FLT1: variants seen among roughly 807,000 people sequenced by gnomAD.
The protein encoded by FLT1 is vascular endothelial growth factor receptor 1.
In FLT1, 49 loss-of-function variants were observed where a neutral mutation model predicts 156.3. The ratio of observed to expected loss-of-function variants is 0.31; its 90% CI spans 0.25 to 0.40. The LOEUF (loss-of-function observed/expected upper bound fraction) is 0.40, where lower values mean the gene tolerates loss of function less well. Among genes scored for constraint, FLT1 ranks in the 10% least tolerant of loss-of-function variants. The pLI is 1.00. For synonymous variants in FLT1, 594 were observed against 583.8 expected (o/e 1.02, Z -0.25); for missense variants, 1,322 against 1,637.2 (o/e 0.81, Z 3.32).
intron 14 of FLT1, among the ~76,000 whole-genome samples, chr13:28,383,295 C>T (rs1874156871): frequency 6.6e-6 from 1 of 151,906 alleles, no homozygotes; most frequent in African/African-American, 2.4e-5. Flanking sequence ...GTTCCAAAAA[C>T]CAAAGAACTT....
chr13:28,481,622 T>G (rs1224920470), intron 1 of FLT1, among the ~76,000 whole-genome samples: 1 of 152,236 alleles, frequency 6.6e-6, no homozygotes, highest in East Asian at 1.9e-4. Context: ...GGCACTGTAC[T>G]GGATTCACAA....
chr13:28,468,680 A>G (rs1045886700), intron 1 of FLT1, among the ~76,000 whole-genome samples: 1 of 152,074 alleles, frequency 6.6e-6, no homozygotes, highest in Non-Finnish European at 1.5e-5. Flanking sequence ...ATTATCTGAA[A>G]GTGTGTGGCA....
intron 3 of FLT1, among the ~76,000 whole-genome samples, chr13:28,465,650 C>T (rs112489923): frequency 0.03 from 4,493 of 152,244 alleles, 211 homozygotes; most frequent in African/African-American, 0.1. Flanking sequence ...CGAGACCAGC[C>T]TGACCAACAT....
chr13:28,388,605 TG>T, intron 13 of FLT1: 1 of 1,055,822 alleles, frequency 9.5e-7, no homozygotes, highest in Non-Finnish European at 1.1e-6. Context: ...GATTTAAAAC[TG>T]GTGTGTATTT....
At chr13:28,426,727 T>C (rs751331829) in intron 10 of FLT1, among the ~76,000 whole-genome samples, 29 of 152,042 alleles carry the variant, frequency 1.9e-4, no homozygotes, top group Non-Finnish European at 1.0e-4. Flanking sequence ...AGCCCAAAAG[T>C]AGGAAACATA....
chr13:28,460,785 C>T (rs971580342), intron 3 of FLT1, among the ~76,000 whole-genome samples: 8 of 141,686 alleles, frequency 5.6e-5, no homozygotes, highest in South Asian at 2.2e-4. Flanking sequence ...ATACATTTTA[C>T]GTCAGACCCA....
chr13:28,346,164 G>T (rs1488600546), intron 15 of FLT1: 1 of 152,986 alleles, frequency 6.5e-6, no homozygotes, highest in Non-Finnish European at 1.5e-5. Flanking sequence ...CAGCCAGATT[G>T]GGGGGCCTGA....
In FLT1 at chr13:28,439,511, C is replaced by G. The variant is rs563590440; in HGVS notation, c.389-1166G>C. Among the ~76,000 whole-genome samples, 194 of 152,340 alleles carry G rather than the reference C, an allele frequency of 1.3e-3. No homozygotes were observed. The highest frequency in any genetic ancestry group is 4.6e-3 in the African/African-American group (191 of 41,574). ...GGCTACAGTGATCATTATGGTAGAACTGTGTCCCCACCAAAACGATATGCT... is the reference window on the plus strand; with the variant it reads ...GGCTACAGTGATCATTATGGTAGAAGTGTGTCCCCACCAAAACGATATGCT... On this transcript the variant is annotated intron_variant, in intron 3 of 29. Transcript: ENST00000282397. This position sits in a 1 kb window ranked among gnomAD's most constrained non-coding sequence, Gnocchi z 4.1.
At chr13:28,363,798 A>G (rs2137418643) in intron 14 of FLT1, among the ~76,000 whole-genome samples, 1 of 152,130 alleles carries the variant, frequency 6.6e-6, no homozygotes, top group East Asian at 1.9e-4. Context: ...ATTTTTGTAG[A>G]GACAGGGTTT....
At chr13:28,303,449 G>T in intron 29 of FLT1, 81 bp from the exon 30 acceptor site, 1 of 1,226,966 alleles carries the variant, frequency 8.2e-7, no homozygotes, top group African/African-American at 1.5e-5. Context: ...CTCTTTCTGA[G>T]TGGGTCATTT....
At chr13:28,492,159 T>C (rs1881508627) in intron 1 of FLT1, among the ~76,000 whole-genome samples, 1 of 152,254 alleles carries the variant, frequency 6.6e-6, no homozygotes, top group Non-Finnish European at 1.5e-5. Flanking sequence ...AAGAGATTTA[T>C]TACATTCAAT....
intron 14 of FLT1, among the ~76,000 whole-genome samples, chr13:28,363,401 C>T (rs931328197): frequency 6.6e-6 from 1 of 152,188 alleles, no homozygotes; most frequent in African/African-American, 2.4e-5. Context: ...CCTTTACCCT[C>T]TCTCTCCAGA....
At chr13:28,430,485 A>G (rs1877618666) in intron 7 of FLT1, among the ~76,000 whole-genome samples, 1 of 152,184 alleles carries the variant, frequency 6.6e-6, no homozygotes, top group South Asian at 2.1e-4. Flanking sequence ...CTACCTGGCC[A>G]CTATAAGCAA....
chr13:28,330,550 C>T (rs1323200208), intron 18 of FLT1, among the ~76,000 whole-genome samples: 1 of 148,584 alleles, frequency 6.7e-6, no homozygotes, highest in East Asian at 2.0e-4. Flanking sequence ...GGTGTTCAGA[C>T]CTTTTTCTAT....
chr13:28,427,726 G>A, intron 9 of FLT1, 26 bp downstream of exon 9: 1 of 1,606,810 alleles, frequency 6.2e-7, no homozygotes, highest in Non-Finnish European at 8.5e-7. Context: ...ACCAGAACCA[G>A]AAGAAAGTAT....
At chr13:28,338,825 C>T (rs1476797197) in intron 17 of FLT1, among the ~76,000 whole-genome samples, 1 of 152,122 alleles carries the variant, frequency 6.6e-6, no homozygotes, top group Non-Finnish European at 1.5e-5. Flanking sequence ...TCTCTCTCCG[C>T]CGCCCTTCAC....
intron 17 of FLT1, among the ~76,000 whole-genome samples, chr13:28,336,945 G>C (rs1204864023): frequency 6.6e-6 from 1 of 151,554 alleles, no homozygotes; most frequent in African/African-American, 2.4e-5. Context: ...ACAGGGTTTC[G>C]CCATGTTGGC....
intron 11 of FLT1, 28 bp downstream of exon 11, chr13:28,405,752 T>C: frequency 8.6e-7 from 1 of 1,157,010 alleles, no homozygotes; most frequent in Non-Finnish European, 1.3e-6. Context: ...GGAATAAATA[T>C]CCCAGTGCGC....
chr13:28,319,870 G>C (rs536898362), intron 23 of FLT1, among the ~76,000 whole-genome samples: 6 of 152,310 alleles, frequency 3.9e-5, no homozygotes, highest in African/African-American at 1.4e-4. Context: ...AAAAGGAAAA[G>C]AGTGATCTGA....
Sources: allele counts gnomAD v4.1 joint callset (sites outside exome capture counted in the v4.1 genomes callset), GRCh38; gene constraint gnomAD v4.1.1; non-coding constraint Gnocchi (gnomAD v3.1); transcripts MANE v1.5; gene names NCBI Gene and HGNC (gene_info 2026-07-23, HGNC 2026-07-21).